Variants in CRIM1 observed in about 807,000 individuals in gnomAD.
CRIM1 encodes the protein cysteine rich transmembrane BMP regulator 1, also known as cysteine-rich motor neuron 1 protein.
CRIM1 carries 32 observed loss-of-function variants against 116.4 expected under a neutral mutation model. That is an observed-to-expected ratio of 0.27 (90% CI 0.21 to 0.37). The LOEUF (loss-of-function observed/expected upper bound fraction) is 0.37, where lower values mean the gene tolerates loss of function less well. Among genes scored for constraint, CRIM1 ranks in the 10% least tolerant of loss-of-function variants. The pLI is 1.00. For missense variants in CRIM1, 1,331 were observed against 1,354.8 expected, an observed-to-expected ratio of 0.98 and a Z score of 0.28; for synonymous variants, 590 against 509.2, an observed-to-expected ratio of 1.16 and a Z score of -2.13.
intron 8 of CRIM1, among the ~76,000 whole-genome samples, chr2:36,503,094 TG>T (rs1681117130): frequency 6.6e-6 from 1 of 152,210 alleles, no homozygotes; most frequent in African/African-American, 2.4e-5. Flanking sequence ...CCAGGTTATT[TG>T]GCAACTTTGG....
chr2:36,391,118 A>ATT (rs57108558), intron 1 of CRIM1, among the ~76,000 whole-genome samples: 5 of 67,240 alleles, frequency 7.4e-5, no homozygotes, highest in Non-Finnish European at 1.0e-4. Flanking sequence ...CCAACTTTTG[A>ATT]TTTTTTTTTT....
In CRIM1 at chr2:36,356,437, A is replaced by G; in HGVS notation, c.145A>G (p.Arg49Gly). Reference sequence around the variant, plus strand: ...TGACGAGTCCAAGTGCGAGGAGCCCAGGAACTGCCCGGGGAGCATCGTGCA... The same window carrying G: ...TGACGAGTCCAAGTGCGAGGAGCCCGGGAACTGCCCGGGGAGCATCGTGCA... ...PCDESKCEEP[R>G]NCPGSIVQGV... Residue 49 changes from arginine to glycine, a missense_variant, in exon 1 of 17, where the codon AGG becomes GGG. Physicochemically the swap from Arg to Gly is moderately radical, Grantham distance 125. Around this residue, in one of 3 missense-constraint regions of CRIM1, gnomAD observed 690 missense variants for 676.0 expected, o/e 1.02. Transcript: ENST00000280527. The surrounding 1 kb of genome is among the most constrained non-coding windows in gnomAD (Gnocchi z 4.3). The G allele has an allele frequency of 3.1e-6, 5 of 1,611,904 alleles. No individual in the cohort carries two copies. Among genetic ancestry groups the G allele is most frequent in the Non-Finnish European group, 4.2e-6 (5 of 1,179,712 alleles).
At chr2:36,486,427 TACTGAACC>T (rs1679822667) in intron 7 of CRIM1, among the ~76,000 whole-genome samples, 3 of 152,204 alleles carry the variant, frequency 2.0e-5, no homozygotes, top group Non-Finnish European at 4.4e-5. Flanking sequence ...AAGACTGTCA[TACTGAACC>T]AAGTTTTACG....
chr2:36,450,958 T>A (rs1676672007), intron 4 of CRIM1, among the ~76,000 whole-genome samples: 1 of 152,192 alleles, frequency 6.6e-6, no homozygotes, highest in Admixed American at 6.5e-5. Context: ...CAGCCTGAAA[T>A]TGACTCATAC....
At chr2:36,540,383 A>T (rs1421589322) in intron 14 of CRIM1, among the ~76,000 whole-genome samples, 1 of 152,152 alleles carries the variant, frequency 6.6e-6, no homozygotes, top group Non-Finnish European at 1.5e-5. Flanking sequence ...AATAAGACAG[A>T]CTGTGAAGTT....
rs1308776633 is a variant in CRIM1 at position 36,375,131 on chromosome 2, C to T, written c.331+18508C>T. Among the ~76,000 whole-genome samples the T allele has an allele frequency of 2.6e-5, 4 of 151,644 alleles. 1 individual carries two copies. Among genetic ancestry groups the T allele is most frequent in the Admixed American group, 2.0e-4 (3 of 15,220 alleles). ...TGCAACTTGTATGCTTTGCATATGC[C>T]GTATGCTTTGCATATGCCATATGCT... On this transcript the variant is annotated intron_variant, in intron 1 of 16. Coordinates refer to ENST00000280527, the MANE Select transcript of CRIM1 (RefSeq NM_016441.3).
In CRIM1 at chr2:36,380,696, G is replaced by A. The variant is rs144409167; in HGVS notation, c.332-15918G>A. 7.9e-4 allele frequency among the ~76,000 whole-genome samples: 121 copies of A among 152,266 alleles called. No homozygotes were observed. In the East Asian group the frequency reaches 0.022, roughly 28 times the overall value. On this transcript the variant is annotated intron_variant, in intron 1 of 16. Transcript: ENST00000280527. Reference sequence around the variant, plus strand: ...GAGGTTGAAGTTTTGTTTGCCCTCCGAATGAAAGTGGTATTTCTGTTCGTT... The same window carrying A: ...GAGGTTGAAGTTTTGTTTGCCCTCCAAATGAAAGTGGTATTTCTGTTCGTT...
intron 14 of CRIM1, among the ~76,000 whole-genome samples, chr2:36,538,115 G>A (rs1572958724): frequency 6.6e-6 from 1 of 152,068 alleles, no homozygotes; most frequent in South Asian, 2.1e-4. Context: ...CCAGCTGGCT[G>A]TTGTGAATCC....
intron 1 of CRIM1, among the ~76,000 whole-genome samples, chr2:36,394,013 C>A (rs1236714817): frequency 6.6e-6 from 1 of 152,032 alleles, no homozygotes; most frequent in Non-Finnish European, 1.5e-5. Context: ...GGTGGAGAGA[C>A]AAGAGAATAG....
At chr2:36,493,925 A>G (rs1680406128) in intron 7 of CRIM1, among the ~76,000 whole-genome samples, 1 of 152,186 alleles carries the variant, frequency 6.6e-6, no homozygotes, top group African/African-American at 2.4e-5. Context: ...AGAGTTGTTG[A>G]ACTATATAAT....
chr2:36,421,596 G>A (rs971941329), intron 2 of CRIM1, among the ~76,000 whole-genome samples: 11 of 152,150 alleles, frequency 7.2e-5, no homozygotes, highest in Admixed American at 2.6e-4. Flanking sequence ...ACCAGCTGGC[G>A]AAAAAGCAGT....
In CRIM1 at chr2:36,489,038, C is replaced by G. The variant is rs114557193; in HGVS notation, c.1372+9344C>G. On this transcript the variant is annotated intron_variant, in intron 7 of 16. Transcript: ENST00000280527. Reference sequence around the variant, plus strand: ...TTATTCTTTTCTAGCTAAAATTTACCTGGATCCCCATTTCCTTACTTTAAA... The same window carrying G: ...TTATTCTTTTCTAGCTAAAATTTACGTGGATCCCCATTTCCTTACTTTAAA... Among the ~76,000 whole-genome samples, 1,338 of 152,274 alleles carry G rather than the reference C, an allele frequency of 8.8e-3. 17 individuals carry two copies. The highest frequency in any genetic ancestry group is 0.031 in the African/African-American group (1,288 of 41,546).
chr2:36,548,526 C>G lies in CRIM1; in HGVS notation c.2936C>G (p.Pro979Arg). The G allele has an allele frequency of 1.3e-6, 2 of 1,560,610 alleles. No individual in the cohort carries two copies. The highest frequency in any genetic ancestry group is 1.7e-6 in the Non-Finnish European group (2 of 1,160,182). ...TTTATTCCTCCTCTCATTAAATAGC[C>G]TTCTTCCTTAAATAATCAGCTAGTA... ...LLCWYRTPTK[P>R]SSLNNQLVSV... Residue 979 changes from proline to arginine, a missense_variant and splice_region_variant, in exon 17 of 17, where the codon CCT (proline) becomes CGT (arginine). By Grantham distance (103) the Pro-to-Arg change is moderately radical (BLOSUM62 -2). This residue lies in a region of CRIM1 where 283 missense variants were observed against 242.8 expected (regional missense o/e 1.17). Coordinates refer to ENST00000280527, the MANE Select transcript of CRIM1 (RefSeq NM_016441.3).
chr2:36,412,455 A>G (rs1437151226), intron 2 of CRIM1, among the ~76,000 whole-genome samples: 1 of 152,014 alleles, frequency 6.6e-6, no homozygotes, highest in East Asian at 1.9e-4. Context: ...TCTTGGCTGT[A>G]TTTTACTGCT....
At chr2:36,418,233 A>T (rs975485148) in intron 2 of CRIM1, among the ~76,000 whole-genome samples, 1 of 152,200 alleles carries the variant, frequency 6.6e-6, no homozygotes, top group African/African-American at 2.4e-5. Flanking sequence ...ACAGTGCAGG[A>T]GTGCAAGGCC....
At chr2:36,396,515 T>C (rs1041056115) in intron 1 of CRIM1, 99 bp from the exon 2 acceptor site, 9 of 697,044 alleles carry the variant, frequency 1.3e-5, no homozygotes, top group African/African-American at 3.6e-5. Context: ...TTTGTCAAAA[T>C]TGAATGTTAA....
Position 36,449,093 on chromosome 2 carries a change from A to G in CRIM1, c.869+6358A>G, listed in dbSNP as rs3770879. 0.027 allele frequency among the ~76,000 whole-genome samples: 4,148 copies of G among 151,898 alleles called. 252 individuals carry two copies. In the East Asian group the frequency reaches 0.3, roughly 11 times the overall value. ...AAAATGTTAGATTATCTGTCAGCTAATATGTTGACTAATATGTGACTTCTG... is the reference window on the plus strand; with the variant it reads ...AAAATGTTAGATTATCTGTCAGCTAGTATGTTGACTAATATGTGACTTCTG... On this transcript the variant is annotated intron_variant, in intron 4 of 16. Transcript: ENST00000280527.
In CRIM1 at chr2:36,410,783, T is replaced by A. The variant is rs200610062; in HGVS notation, c.505+13996T>A. On this transcript the variant is annotated intron_variant, in intron 2 of 16. Coordinates refer to ENST00000280527, the MANE Select transcript of CRIM1 (RefSeq NM_016441.3). Reference sequence around the variant, plus strand: ...CTGCCTCACAGACCTTTTATAAATATCAGAGTTGTGGTTTTGCAACAGTGT... The same window carrying A: ...CTGCCTCACAGACCTTTTATAAATAACAGAGTTGTGGTTTTGCAACAGTGT... 3.7e-4 allele frequency among the ~76,000 whole-genome samples: 56 copies of A among 152,202 alleles called. 1 individual carries two copies. The highest frequency in any genetic ancestry group is 3.1e-3 in the Admixed American group (47 of 15,276).
intron 11 of CRIM1, among the ~76,000 whole-genome samples, chr2:36,515,230 T>C (rs958690897): frequency 4.6e-5 from 7 of 152,178 alleles, no homozygotes; most frequent in Non-Finnish European, 8.8e-5. Context: ...GCTAGATTGG[T>C]AGAAATGCAA....
Sources: allele counts gnomAD v4.1 joint callset (sites outside exome capture counted in the v4.1 genomes callset), GRCh38; gene constraint gnomAD v4.1.1; regional missense constraint gnomAD v4.1.1; non-coding constraint Gnocchi (gnomAD v3.1); transcripts MANE v1.5; gene names NCBI Gene and HGNC (gene_info 2026-07-23, HGNC 2026-07-21).